The following PLSCR2 variants were observed in gnomAD, a reference collection of about 807,000 sequenced individuals.
The protein encoded by PLSCR2 is phospholipid scramblase 2, also known as PL scramblase 2.
A neutral mutation model predicts 25.3 loss-of-function variants in PLSCR2; 18 were observed. The ratio of observed to expected loss-of-function variants is 0.71; its 90% CI spans 0.49 to 1.06. The LOEUF (loss-of-function observed/expected upper bound fraction) is 1.06, where lower values mean the gene tolerates loss of function less well. PLSCR2 is among the 50% of genes least tolerant of loss of function. The pLI is 0.00. For missense variants in PLSCR2, 243 were observed against 269.5 expected, an observed-to-expected ratio of 0.90 and a Z score of 0.69; for synonymous variants, 88 against 87.3, an observed-to-expected ratio of 1.01 and a Z score of -0.04.
chr3:146,490,308 T>A (rs1267684516), intron 1 of PLSCR2, among the ~76,000 whole-genome samples: 1 of 152,104 alleles, frequency 6.6e-6, no homozygotes, highest in African/African-American at 2.4e-5. Context: ...CTGAGAATAT[T>A]CCTTTGTGGT....
At chr3:146,417,676 G>A (rs762704240) in intron 2 of PLSCR2, among the ~76,000 whole-genome samples, 9 of 152,162 alleles carry the variant, frequency 5.9e-5, no homozygotes, top group Non-Finnish European at 1.2e-4. Context: ...CAAAAGGAAA[G>A]CTGGCTGACT....
chr3:146,439,584 A>T (rs1254060652), downstream of PLSCR2, among the ~76,000 whole-genome samples: 1 of 151,936 alleles, frequency 6.6e-6, no homozygotes, highest in Non-Finnish European at 1.5e-5. Context: ...GTGTGCATGC[A>T]TCACGTAGTT....
chr3:146,477,092 T>C (rs958936867), intron 1 of PLSCR2, among the ~76,000 whole-genome samples: 5 of 152,210 alleles, frequency 3.3e-5, no homozygotes, highest in Admixed American at 2.0e-4. Context: ...AGACACCTTA[T>C]ACCAGAGTGT....
intron 2 of PLSCR2, among the ~76,000 whole-genome samples, chr3:146,418,857 C>A (rs2039062628): frequency 6.6e-6 from 1 of 152,170 alleles, no homozygotes; most frequent in Admixed American, 6.6e-5. Flanking sequence ...TTCCTGGTTT[C>A]TGCTTAGAAC....
At chr3:146,467,787 G>C (rs1655019703) in intron 1 of PLSCR2, among the ~76,000 whole-genome samples, 1 of 152,088 alleles carries the variant, frequency 6.6e-6, no homozygotes, top group Non-Finnish European at 1.5e-5. Flanking sequence ...AAAAAGTCTA[G>C]AATCAGCCAG....
intron 6 of PLSCR2, among the ~76,000 whole-genome samples, chr3:146,448,275 C>A (rs1319201219): frequency 6.6e-6 from 1 of 152,260 alleles, no homozygotes; most frequent in Admixed American, 6.5e-5. Context: ...ATCAGCTTCC[C>A]CTGTTTAATC....
intron 2 of PLSCR2, among the ~76,000 whole-genome samples, chr3:146,411,477 C>T (rs528554051): frequency 1.3e-5 from 2 of 152,364 alleles, no homozygotes; most frequent in South Asian, 2.1e-4. Flanking sequence ...CTCCGGAAGA[C>T]GGTCACTCTT....
At chr3:146,435,686 G>A (rs2039800149) in intron 8 of PLSCR2, among the ~76,000 whole-genome samples, 1 of 152,140 alleles carries the variant, frequency 6.6e-6, no homozygotes, top group Admixed American at 6.5e-5. Context: ...TTTGTCAGAT[G>A]GGTAGATTGT....
intron 3 of PLSCR2, chr3:146,391,606 A>C (rs2038084554): frequency 6.6e-6 from 1 of 152,616 alleles, no homozygotes; most frequent in African/African-American, 2.4e-5. Flanking sequence ...TTGGTTTAAC[A>C]GTAGAAACAA....
chr3:146,423,234 C>CCTCTCTCTCTCT (rs200145864), intron 2 of PLSCR2, among the ~76,000 whole-genome samples: 13 of 53,478 alleles, frequency 2.4e-4, no homozygotes, highest in South Asian at 1.1e-3. Context: ...CCTTGCAGTG[C>CCTCTCTCTCTCT]CTCTCTCTCT....
At chr3:146,467,715 G>A (rs2041932046) in intron 1 of PLSCR2, among the ~76,000 whole-genome samples, 1 of 151,988 alleles carries the variant, frequency 6.6e-6, no homozygotes. Context: ...AAAAGGATAT[G>A]GAGTCATTGA....
upstream of PLSCR2, among the ~76,000 whole-genome samples, chr3:146,462,940 C>T (rs2041683973): frequency 2.0e-5 from 3 of 152,094 alleles, no homozygotes; most frequent in South Asian, 6.2e-4. Context: ...GCTTGGGCTC[C>T]AGGAATGGTT....
rs1456855231 is a variant in PLSCR2, at chr3:146,458,473, A to G, written c.58-20T>C. ...ATCTATCTATTATAGTAAAAAGAAAATGAAGTTGTATGTCAAATATTTTAT... is the reference window on the plus strand; with the variant it reads ...ATCTATCTATTATAGTAAAAAGAAAGTGAAGTTGTATGTCAAATATTTTAT... On this transcript the variant is annotated intron_variant, in intron 2 of 6. Coordinates refer to ENST00000610787, the Ensembl canonical transcript of PLSCR2. 2 of 1,383,694 alleles carry G rather than the reference A, an allele frequency of 1.4e-6. No homozygotes were observed. Among genetic ancestry groups the G allele is most frequent in the Non-Finnish European group, 1.9e-6 (2 of 1,029,824 alleles). The allele number at this position is 1,383,694 out of a possible 1,614,324, so 85.7% of individuals were successfully genotyped here.
At chr3:146,454,231 T>A (rs994373884) in intron 4 of PLSCR2, 68 bp from the exon 5 acceptor site, 2 of 1,118,890 alleles carry the variant, frequency 1.8e-6, no homozygotes, top group Non-Finnish European at 2.5e-6. Context: ...ATAGCTCTAA[T>A]TTACTGAGCA....
intron 2 of PLSCR2, chr3:146,395,944 C>A: frequency 3.2e-6 from 1 of 309,128 alleles, no homozygotes; most frequent in Non-Finnish European, 6.3e-6. Flanking sequence ...AATATATAAT[C>A]TTAGGATAAA....
chr3:146,464,698 G>GTTAAGTGATAAA (rs1042517269), upstream of PLSCR2, among the ~76,000 whole-genome samples: 7 of 152,102 alleles, frequency 4.6e-5, no homozygotes, highest in Non-Finnish European at 8.8e-5. Flanking sequence ...CTAACTCTCT[G>GTTAAGTGATAAA]TTAAGTGATA....
At chr3:146,427,595 G>A (rs904223363) in intron 2 of PLSCR2, among the ~76,000 whole-genome samples, 1 of 152,164 alleles carries the variant, frequency 6.6e-6, no homozygotes, top group Non-Finnish European at 1.5e-5. Flanking sequence ...GCAGAGGACC[G>A]ATGTGAACTC....
chr3:146,425,634 A>T (rs2039317250), intron 2 of PLSCR2, among the ~76,000 whole-genome samples: 1 of 152,178 alleles, frequency 6.6e-6, no homozygotes, highest in Admixed American at 6.6e-5. Flanking sequence ...GAAAAAGTAT[A>T]GATGGCTTAA....
intron 3 of PLSCR2, among the ~76,000 whole-genome samples, chr3:146,457,994 T>C (rs538568450): frequency 4.6e-5 from 7 of 152,326 alleles, no homozygotes; most frequent in Middle Eastern, 3.4e-3. Context: ...ATAGAACTTA[T>C]GAACCTCCTC....
Sources: allele counts gnomAD v4.1 joint callset (sites outside exome capture counted in the v4.1 genomes callset), GRCh38; gene constraint gnomAD v4.1.1; transcripts MANE v1.5; gene names NCBI Gene and HGNC (gene_info 2026-07-23, HGNC 2026-07-21).